HYDIN: variants seen among roughly 807,000 people sequenced by gnomAD.
HYDIN encodes HYDIN axonemal central pair apparatus protein.
In HYDIN, 132 loss-of-function variants were observed where a neutral mutation model predicts 403.9. The ratio of observed to expected loss-of-function variants is 0.33; its 90% CI spans 0.28 to 0.38. HYDIN has a LOEUF of 0.38. Ranked by LOEUF, HYDIN falls within the 10% of genes least tolerant of loss-of-function variation. The probability of loss-of-function intolerance (pLI) is 1.00; values close to 1 mark genes in which losing one functional copy is unlikely to be tolerated. For synonymous variants in HYDIN, 1,202 were observed against 1,891.7 expected (o/e 0.64, Z 9.46); for missense variants, 2,827 against 5,009.5 (o/e 0.56, Z 13.15).
At chr16:70,819,946 T>G (rs1332724043) in intron 83 of HYDIN, among the ~76,000 whole-genome samples, 2 of 148,960 alleles carry the variant, frequency 1.3e-5, no homozygotes, top group African/African-American at 4.9e-5. Flanking sequence ...CAGCTGGGAC[T>G]ACAGGCGTCC....
At chr16:70,838,635 G>A (rs2037607306) in intron 76 of HYDIN, among the ~76,000 whole-genome samples, 1 of 152,110 alleles carries the variant, frequency 6.6e-6, no homozygotes, top group Non-Finnish European at 1.5e-5. Flanking sequence ...GAGGAGTCTG[G>A]ATCTAGGCTC....
rs1298332680 is a variant in HYDIN at position 70,832,721 on chromosome 16, T to A, written c.13899+127A>T. ...GAGGGGAGAATGAATATTCCAGCAG[T>A]GGAAACGGTGTATTCACAGGCCTCG... On this transcript the variant is annotated intron_variant, in intron 80 of 85. Transcript: ENST00000393567. 7.7e-6 allele frequency: 5 copies of A among 645,932 alleles called. No homozygotes were observed. The East Asian group carries it at 1.3e-4, about 17-fold the overall frequency. 40.0% of individuals were successfully genotyped at this position (645,932 alleles called of 1,614,324 possible).
chr16:70,835,265 G>A (rs954062412), intron 78 of HYDIN, among the ~76,000 whole-genome samples: 5 of 151,786 alleles, frequency 3.3e-5, no homozygotes, highest in Non-Finnish European at 5.9e-5. Context: ...CAAAGTGTTG[G>A]GATTACAGGC....
chr16:70,847,639 T>A (rs1207839745), intron 75 of HYDIN, among the ~76,000 whole-genome samples: 1 of 151,978 alleles, frequency 6.6e-6, no homozygotes, highest in Non-Finnish European at 1.5e-5. Flanking sequence ...TTCAGCACGT[T>A]GAATATGTCA....
Position 70,833,992 on chromosome 16 carries a change from A to G in HYDIN, c.13574T>C (p.Leu4525Pro), listed in dbSNP as rs1331186796. 3.7e-6 allele frequency: 6 copies of G among 1,607,198 alleles called. No individual in the cohort carries two copies. The South Asian group carries it at 6.6e-5, about 18-fold the overall frequency. Reference sequence around the variant, plus strand: ...ATGTTCCTGGTCCAGTGAGATCTCCAGGGCCTGGCAGCAGCCGCTAAGGAG... The same window carrying G: ...ATGTTCCTGGTCCAGTGAGATCTCCGGGGCCTGGCAGCAGCCGCTAAGGAG... ...LFLLSGCCQA[L>P]EISLDQEHIP... The change falls in exon 79 of 86, where the codon CTG (leucine) becomes CCG (proline). Residue 4525 changes from leucine to proline, a missense_variant. Physicochemically the swap from Leu to Pro is moderately conservative, Grantham distance 98. Coordinates refer to ENST00000393567, the MANE Select transcript of HYDIN (RefSeq NM_001270974.2).
intron 47 of HYDIN, among the ~76,000 whole-genome samples, chr16:70,914,414 A>T (rs1021724223): frequency 1.3e-5 from 2 of 151,680 alleles, no homozygotes; most frequent in Non-Finnish European, 2.9e-5. Context: ...TTTGCTGGAT[A>T]CAAAATTCTT....
At chr16:71,089,466 A>G (rs1417861184) in intron 11 of HYDIN, among the ~76,000 whole-genome samples, 1 of 152,026 alleles carries the variant, frequency 6.6e-6, no homozygotes, top group African/African-American at 2.4e-5. Flanking sequence ...GCTTTGGAGG[A>G]CAAAGAGCAT....
intron 12 of HYDIN, among the ~76,000 whole-genome samples, chr16:71,081,614 G>C (rs195633): frequency 7.3e-5 from 11 of 150,600 alleles, no homozygotes; most frequent in Non-Finnish European, 1.5e-4. Flanking sequence ...TAAACAACCA[G>C]AGATACATGA....
At chr16:71,203,841 G>C (rs1176964298) in intron 1 of HYDIN, 4 of 454,944 alleles carry the variant, frequency 8.8e-6, no homozygotes, top group Non-Finnish European at 1.8e-5. Context: ...GAGGTGGGCA[G>C]ATCACTTGAG....
chr16:70,898,853 C>T (rs1366509020), intron 53 of HYDIN, among the ~76,000 whole-genome samples: 4 of 150,904 alleles, frequency 2.7e-5, no homozygotes, highest in Admixed American at 2.6e-4. Flanking sequence ...AAGTGATTCT[C>T]CTGCCTCAGC....
chr16:71,202,833 T>C (rs1264756336), intron 1 of HYDIN, among the ~76,000 whole-genome samples: 1 of 152,166 alleles, frequency 6.6e-6, no homozygotes, highest in East Asian at 1.9e-4. Flanking sequence ...TGTAATTCCC[T>C]CTCCCTTGTC....
Position 71,186,855 on chromosome 16 carries a change from T to G in HYDIN, c.41A>C (p.Gln14Pro). 1 of 1,613,346 alleles carries G rather than the reference T, an allele frequency of 6.2e-7. No homozygotes were observed. Among genetic ancestry groups the G allele is most frequent in the Non-Finnish European group, 8.5e-7 (1 of 1,179,358 alleles). ...RRLEESMGAV[Q>P]MGLVNMFKGF... ...TTTGAACATATTGACCAATCCCATC[T>G]GAACAGCCCCCATGGACTCCTCAAG... Residue 14 changes from glutamine (Q) to proline (P), a missense_variant, in exon 2 of 86, where the codon CAG (glutamine) becomes CCG (proline). Transcript: ENST00000393567.
rs1234045850 is a variant in HYDIN at position 71,186,816 on chromosome 16, T to G, written c.80A>C (p.Lys27Thr). 2 of 1,613,574 alleles carry G rather than the reference T, an allele frequency of 1.2e-6. No individual in the cohort carries two copies. Among genetic ancestry groups the G allele is most frequent in the Non-Finnish European group, 1.7e-6 (2 of 1,179,642 alleles). ...LVNMFKGFQS[K>T]VLPPLSPKVV... is the part of the protein sequence containing the mutation. ...CTTTGGACTCAGGGGTGGCAAAACC[T>G]TGCTTTGAAATCCTTTGAACATATT... The change falls in exon 2 of 86, where the codon AAG becomes ACG. Residue 27 changes from lysine to threonine, a missense_variant. Lys to Thr is a moderately conservative substitution (Grantham distance 78). Coordinates refer to ENST00000393567, the MANE Select transcript of HYDIN (RefSeq NM_001270974.2).
chr16:71,209,165 A>G (rs1205682818), intron 1 of HYDIN, among the ~76,000 whole-genome samples: 2 of 150,940 alleles, frequency 1.3e-5, no homozygotes, highest in Admixed American at 1.3e-4. Context: ...AGCAAACTGA[A>G]TCCAGTAGCA....
At chr16:70,992,465 C>T (rs1597487428) in intron 23 of HYDIN, among the ~76,000 whole-genome samples, 1 of 143,644 alleles carries the variant, frequency 7.0e-6, no homozygotes, top group South Asian at 2.3e-4. Flanking sequence ...GCCCCCTGGG[C>T]TTCCCCTTTC....
In HYDIN at chr16:71,179,340, A is replaced by G. The variant is rs552068883; in HGVS notation, c.262-293T>C. ...GAGGAATAAAATTTTTTAAATCCTG[A>G]AAAAAAAAAAACAAACCTCTGCAGG... is the stretch of plus-strand genomic sequence containing the variant. On this transcript the variant is annotated intron_variant, in intron 3 of 85. Coordinates refer to ENST00000393567, the MANE Select transcript of HYDIN (RefSeq NM_001270974.2). Among the ~76,000 whole-genome samples the G allele has an allele frequency of 3.0e-4, 36 of 121,124 alleles. No homozygotes were observed. In the East Asian group the frequency reaches 7.1e-3, roughly 24 times the overall value. The allele number at this position is 121,124 out of a possible 152,430, so 79.5% of individuals were successfully genotyped here. A position where few individuals can be genotyped will look rare whatever the true frequency, so the allele number is the denominator to read the frequency against.
At chr16:71,108,480 G>A (rs1273810042) in intron 10 of HYDIN, among the ~76,000 whole-genome samples, 1 of 152,024 alleles carries the variant, frequency 6.6e-6, no homozygotes, top group Non-Finnish European at 1.5e-5. Flanking sequence ...TATTGATCTT[G>A]GTGGCAATAA....
At position 71,180,574 on chromosome 16, in the gene HYDIN, T is replaced by C. The variant is rs2086857153; in HGVS notation, c.262-1527A>G. Among the ~76,000 whole-genome samples the C allele has an allele frequency of 4.0e-5, 6 of 151,764 alleles. No homozygotes were observed. The South Asian group carries it at 1.2e-3, about 32-fold the overall frequency. Reference sequence around the variant, plus strand: ...GAAAGACACTAAGGGAAAAGAAAACTATAGGCCAGTCTCATTCATAAACCA... The same window carrying C: ...GAAAGACACTAAGGGAAAAGAAAACCATAGGCCAGTCTCATTCATAAACCA... On this transcript the variant is annotated intron_variant, in intron 3 of 85. Coordinates refer to ENST00000393567, the MANE Select transcript of HYDIN (RefSeq NM_001270974.2).
chr16:71,202,282 C>T (rs756965647), intron 1 of HYDIN, among the ~76,000 whole-genome samples: 6 of 152,142 alleles, frequency 3.9e-5, no homozygotes, highest in Non-Finnish European at 8.8e-5. Flanking sequence ...CTTATGAATG[C>T]TATGCAATTC....
Sources: gnomAD v4.1 joint callset for allele counts (sites outside exome capture counted in the v4.1 genomes callset) on GRCh38, gnomAD v4.1.1 for gene constraint, MANE v1.5 for transcripts, NCBI Gene and HGNC (gene_info 2026-07-23, HGNC 2026-07-21) for gene names.